The following GPATCH2 variants were observed in gnomAD, a reference collection of about 807,000 sequenced individuals.
The protein encoded by GPATCH2 is G-patch domain containing 2, also known as G patch domain-containing protein 2.
A neutral mutation model predicts 58.0 loss-of-function variants in GPATCH2; 51 were observed. The observed-to-expected ratio is 0.88, with a 90% CI of 0.70 to 1.11. GPATCH2 has a LOEUF of 1.11. Among genes scored for constraint, GPATCH2 ranks in the 50% most tolerant of loss-of-function variants. The pLI is 0.00. For missense variants in GPATCH2, 625 were observed against 652.2 expected, an observed-to-expected ratio of 0.96 and a Z score of 0.45; for synonymous variants, 222 against 218.5, an observed-to-expected ratio of 1.02 and a Z score of -0.14.
chr1:217,578,174 C>T (rs994146932), intron 5 of GPATCH2, among the ~76,000 whole-genome samples: 3 of 151,602 alleles, frequency 2.0e-5, no homozygotes, highest in African/African-American at 7.3e-5. Flanking sequence ...AGTAATACCA[C>T]CAAGACACAA....
chr1:217,509,155 C>T (rs938004092), intron 6 of GPATCH2, among the ~76,000 whole-genome samples: 1 of 152,040 alleles, frequency 6.6e-6, no homozygotes, highest in East Asian at 1.9e-4. Context: ...GCCTAGGTAA[C>T]ATGGTGAAAC....
intron 8 of GPATCH2, among the ~76,000 whole-genome samples, chr1:217,469,126 A>C (rs1660607401): frequency 6.6e-6 from 1 of 152,110 alleles, no homozygotes; most frequent in Non-Finnish European, 1.5e-5. Flanking sequence ...CTGGACTGTA[A>C]CTTGATTTAA....
chr1:217,481,280 C>T (rs113031761), intron 8 of GPATCH2, among the ~76,000 whole-genome samples: 2,817 of 152,192 alleles, frequency 0.019, 90 homozygotes, highest in African/African-American at 0.063. Context: ...AATACACATA[C>T]CTACTATGTC....
At position 217,430,881 on chromosome 1, in the gene GPATCH2, T is replaced by C. The variant is rs1658501588; in HGVS notation, c.*264A>G. The C allele has an allele frequency of 6.1e-6, 3 of 494,016 alleles. No homozygotes were observed. Among genetic ancestry groups the C allele is most frequent in the Middle Eastern group, 1.1e-3 (2 of 1,840 alleles). 30.6% of individuals were successfully genotyped at this position (494,016 alleles called of 1,614,324 possible). A position where few individuals can be genotyped will look rare whatever the true frequency, so the allele number is the denominator to read the frequency against. ...TATTGACACATGAGACTAAAATAAA[T>C]AAGAGAAACGAGCTGCTCTTTATAC... On this transcript the variant is annotated 3_prime_UTR_variant, in exon 10 of 10. Transcript: ENST00000366935.
intron 8 of GPATCH2, among the ~76,000 whole-genome samples, chr1:217,472,493 G>A (rs560220709): frequency 7.2e-5 from 11 of 151,988 alleles, no homozygotes; most frequent in Non-Finnish European, 1.0e-4. Flanking sequence ...TAATAGAGAC[G>A]GGGTTTCACT....
intron 5 of GPATCH2, among the ~76,000 whole-genome samples, chr1:217,593,148 T>G (rs2102771855): frequency 6.6e-6 from 1 of 152,120 alleles, no homozygotes; most frequent in Middle Eastern, 3.4e-3. Flanking sequence ...AGATTTTAAC[T>G]TCTTAACTAG....
chr1:217,432,885 C>G (rs985742999), intron 9 of GPATCH2, among the ~76,000 whole-genome samples: 1 of 152,180 alleles, frequency 6.6e-6, no homozygotes, highest in African/African-American at 2.4e-5. Context: ...CCATAGGCCT[C>G]CTATACTACA....
At chr1:217,630,854 G>T (rs1265970986) in intron 1 of GPATCH2, 62 bp downstream of exon 1, 12 of 1,233,580 alleles carry the variant, frequency 9.7e-6, no homozygotes, top group African/African-American at 1.5e-5. Flanking sequence ...AGGTCCAGCG[G>T]AGCGGCCTCG....
intron 5 of GPATCH2, among the ~76,000 whole-genome samples, chr1:217,575,752 C>G (rs1463939534): frequency 6.6e-6 from 1 of 152,026 alleles, no homozygotes; most frequent in Non-Finnish European, 1.5e-5. Flanking sequence ...AAAATATTAG[C>G]AGAAATTATA....
intron 5 of GPATCH2, among the ~76,000 whole-genome samples, chr1:217,567,578 C>T (rs1666311665): frequency 6.6e-6 from 1 of 152,194 alleles, no homozygotes; most frequent in Admixed American, 6.5e-5. Context: ...TATGAACACA[C>T]AGACATAATG....
In GPATCH2 at chr1:217,630,920, T is replaced by C; in HGVS notation, c.52A>G (p.Ser18Gly). ...CCCCAGGGCCGCCAGCCTCACCAGCTGTTCCCGGCTGCTGGAGCTCCGATC... is the reference window on the plus strand; with the variant it reads ...CCCCAGGGCCGCCAGCCTCACCAGCCGTTCCCGGCTGCTGGAGCTCCGATC... ...QPIGAPAAGN[S>G]WHFSRTMEEL... Residue 18 changes from serine to glycine, a missense_variant, in exon 1 of 10, where the codon AGC (serine) becomes GGC (glycine). Coordinates refer to ENST00000366935, the MANE Select transcript of GPATCH2 (RefSeq NM_018040.5). The C allele has an allele frequency of 2.5e-6, 4 of 1,588,446 alleles. No homozygotes were observed. The South Asian group carries it at 4.5e-5, about 18-fold the overall frequency.
At chr1:217,518,198 A>C (rs1663269498) in intron 5 of GPATCH2, among the ~76,000 whole-genome samples, 1 of 152,184 alleles carries the variant, frequency 6.6e-6, no homozygotes, top group South Asian at 2.1e-4. Flanking sequence ...TAATTCTAAA[A>C]GATCACATGG....
At position 217,444,683 on chromosome 1, in the gene GPATCH2, C is replaced by CT. The variant is rs1215271547; in HGVS notation, c.1366+4565dup. On this transcript the variant is annotated intron_variant, in intron 9 of 9. Coordinates refer to ENST00000366935, the MANE Select transcript of GPATCH2 (RefSeq NM_018040.5). ...GGTGAAGAATTGCATATATCCTAGGCTTTACTATTCATTCAGATAGAGTCT... is the reference window on the plus strand; with the variant it reads ...GGTGAAGAATTGCATATATCCTAGGCTTTTACTATTCATTCAGATAGAGTCT... 3.3e-5 allele frequency among the ~76,000 whole-genome samples: 5 copies of CT among 152,270 alleles called. No individual in the cohort carries two copies. The East Asian group carries it at 9.6e-4, about 29-fold the overall frequency.
chr1:217,446,639 T>G (rs1394435811), intron 9 of GPATCH2, among the ~76,000 whole-genome samples: 1 of 152,148 alleles, frequency 6.6e-6, no homozygotes, highest in Admixed American at 6.5e-5. Flanking sequence ...TTTTGAGTAA[T>G]TAAAAGTGCA....
chr1:217,629,271 T>G (rs1003973967), intron 1 of GPATCH2, among the ~76,000 whole-genome samples: 17 of 152,122 alleles, frequency 1.1e-4, no homozygotes, highest in Non-Finnish European at 2.4e-4. Flanking sequence ...AAAGATCCAG[T>G]TTTCTGGAAC....
rs1054151377 is a variant in GPATCH2 at position 217,428,979 on chromosome 1, C to G, written c.*2166G>C. The G allele has an allele frequency of 6.6e-6, 1 of 152,072 alleles. No individual in the cohort carries two copies. The highest frequency in any genetic ancestry group is 1.5e-5 in the Non-Finnish European group (1 of 68,014). 9.4% of individuals were successfully genotyped at this position (152,072 alleles called of 1,614,324 possible). ...TAGAACATAATAAGGTGAAAAAGAA[C>G]AGCCAAGTCCTCAGGAGTGTGGAAC... On this transcript the variant is annotated 3_prime_UTR_variant, in exon 10 of 10. Transcript: ENST00000366935.
At chr1:217,495,138 C>T (rs1467516105) in intron 7 of GPATCH2, 4 of 297,108 alleles carry the variant, frequency 1.3e-5, no homozygotes, top group Non-Finnish European at 1.5e-5. Flanking sequence ...AAGTAAAAAA[C>T]CTAGGTACAA....
chr1:217,492,829 T>A (rs1031252165), intron 7 of GPATCH2: 2 of 152,216 alleles, frequency 1.3e-5, no homozygotes, highest in Non-Finnish European at 2.9e-5. Flanking sequence ...TTAAATGCTA[T>A]GATTATAATT....
chr1:217,470,447 T>C (rs191846650), intron 8 of GPATCH2, among the ~76,000 whole-genome samples: 4 of 152,344 alleles, frequency 2.6e-5, no homozygotes, highest in Non-Finnish European at 5.9e-5. Context: ...CCACTGGGCA[T>C]ATTACTTATT....
Sources: allele counts gnomAD v4.1 joint callset (sites outside exome capture counted in the v4.1 genomes callset), GRCh38; gene constraint gnomAD v4.1.1; transcripts MANE v1.5; gene names NCBI Gene and HGNC (gene_info 2026-07-23, HGNC 2026-07-21).